The following SSX1 variants were observed in gnomAD, a reference collection of about 807,000 sequenced individuals.
SSX1 encodes protein SSX1.
In SSX1, 58 loss-of-function variants were observed where a neutral mutation model predicts 14.6. The ratio of observed to expected loss-of-function variants is 3.96; its 90% CI spans 3.21 to 4.93. The LOEUF (loss-of-function observed/expected upper bound fraction) is 4.93. SSX1 is among the 30% of genes most tolerant of loss of function. The pLI, the probability that SSX1 is intolerant of heterozygous loss-of-function variation, is 0.00. For synonymous variants in SSX1, 46 were observed against 52.1 expected (o/e 0.88, Z 0.50); for missense variants, 272 against 143.1 (o/e 1.90, Z -4.60).
At chrX:48,266,744 T>C (rs1451565123) in intron 7 of SSX1, 110 bp from the exon 8 acceptor site, 22 of 555,411 alleles carry the variant, frequency 4.0e-5, no homozygotes, top group Non-Finnish European at 6.3e-5. Flanking sequence ...GGTCCTGGGG[T>C]AGGGCAGAAT....
At chrX:48,260,042 G>T (rs1389887711) in intron 4 of SSX1, among the ~76,000 whole-genome samples, 2 of 99,238 alleles carry the variant, frequency 2.0e-5, no homozygotes, top group African/African-American at 7.3e-5. Flanking sequence ...CTTCCACAAT[G>T]GTTGAACTAG....
intron 4 of SSX1, among the ~76,000 whole-genome samples, chrX:48,260,233 A>G (rs6609681): frequency 0.37 from 38,554 of 104,815 alleles, 6,301 homozygotes; most frequent in Middle Eastern, 0.43. Context: ...TGTGTTTTTT[A>G]GCTGCATAAA....
chrX:48,261,693 C>T (rs782332553), intron 4 of SSX1, 73 bp from the exon 5 acceptor site: 10 of 1,098,160 alleles, frequency 9.1e-6, no homozygotes, highest in African/African-American at 3.6e-5. Flanking sequence ...AGAATGCCCT[C>T]ATGCAACGGA....
In SSX1 at chrX:48,257,787, G is replaced by T. The variant is rs781979663; in HGVS notation, c.111G>T (p.Trp37Cys). The change falls in exon 3 of 8, where the codon TGG (tryptophan) becomes TGT (cysteine). Residue 37 changes from tryptophan (W) to cysteine (C), a missense_variant. Coordinates refer to ENST00000376919, the MANE Select transcript of SSX1 (RefSeq NM_005635.4). Reference protein sequence around the residue: ...DIATYFSKKEWKKMKYSEKIS... With the variant: ...DIATYFSKKECKKMKYSEKIS... ...CCACATACTTCTCTAAGAAAGAGTGGAAAAAGATGAAATACTCGGAGAAAA... is the reference window on the plus strand; with the variant it reads ...CCACATACTTCTCTAAGAAAGAGTGTAAAAAGATGAAATACTCGGAGAAAA... The T allele has an allele frequency of 4.1e-6, 5 of 1,206,982 alleles. No individual in the cohort carries two copies. Among genetic ancestry groups the T allele is most frequent in the Non-Finnish European group, 4.5e-6 (4 of 892,817 alleles).
Position 48,263,885 on chromosome X carries a change from C to A in SSX1, c.434C>A (p.Ala145Glu). 2 of 1,211,226 alleles carry A rather than the reference C, an allele frequency of 1.7e-6. No homozygotes were observed. The highest frequency in any genetic ancestry group is 2.2e-6 in the Non-Finnish European group (2 of 895,288). Residue 145 changes from alanine (A) to glutamate (E), a missense_variant, in exon 6 of 8, where the codon GCA (alanine) becomes GAA (glutamate). By Grantham distance (107) the Ala-to-Glu change is moderately radical. Coordinates refer to ENST00000376919, the MANE Select transcript of SSX1 (RefSeq NM_005635.4). ...DGKQLHPPGK[A>E]NISEKINKRS... is the part of the protein sequence containing the mutation. ...AAACAACTGCACCCCCCAGGAAAAG[C>A]AAATATTTCTGAGAAGATTAATAAG...
chrX:48,266,089 T>TA lies in SSX1; in HGVS notation c.467-194dup, dbSNP rs782336411. 3.9e-3 allele frequency among the ~76,000 whole-genome samples: 435 copies of TA among 112,247 alleles called. 1 individual carries two copies. Among genetic ancestry groups the TA allele is most frequent in the Non-Finnish European group, 5.1e-3 (269 of 53,256 alleles). On this transcript the variant is annotated intron_variant, in intron 6 of 7. Transcript: ENST00000376919. ...CGTCACAACAGAAGGAGCCAGAAGC[T>TA]AAAACATTAATTGGTATTTGTCGTG...
rs782647307 is a variant in SSX1, at chrX:48,261,777, C to CA, written c.293dup (p.Met99AspfsTer24). On this transcript the variant is annotated frameshift_variant, in exon 5 of 8. Transcript: ENST00000376919. LOFTEE classifies it high-confidence loss of function. ...GTGTTCTCTTTCAGTTGAACATCCT[C>CA]AGATGACTTTCGGCAGGCTCCACAG... 39 of 1,209,710 alleles carry CA rather than the reference C, an allele frequency of 3.2e-5. No individual in the cohort carries two copies. Among genetic ancestry groups the CA allele is most frequent in the Middle Eastern group, 2.3e-4 (1 of 4,349 alleles).
rs141499452 is a variant in SSX1, at chrX:48,257,750, T to G, written c.74T>G (p.Phe25Cys). 220 of 1,196,397 alleles carry G rather than the reference T, an allele frequency of 1.8e-4. No homozygotes were observed. Among genetic ancestry groups the G allele is most frequent in the Non-Finnish European group, 2.4e-4 (210 of 886,150 alleles). ...ATTTTATTTTATTTTTTTTAGGCCT[T>G]TGATGATATTGCCACATACTTCTCT... ...AKASEKRSKA[F>C]DDIATYFSKK... The change falls in exon 3 of 8, where the codon TTT becomes TGT. Residue 25 changes from phenylalanine (F) to cysteine (C), a missense_variant. Physicochemically the swap from Phe to Cys is radical, Grantham distance 205 (BLOSUM62 -2). Coordinates refer to ENST00000376919, the MANE Select transcript of SSX1 (RefSeq NM_005635.4).
chrX:48,258,388 C>T, intron 3 of SSX1, 148 bp from the exon 4 acceptor site: 1 of 484,432 alleles, frequency 2.1e-6, no homozygotes, highest in Non-Finnish European at 3.7e-6. Flanking sequence ...ATATGGGGGT[C>T]TCTCTATGTT....
At chrX:48,264,278 C>T (rs2059615745) in intron 6 of SSX1, among the ~76,000 whole-genome samples, 1 of 112,123 alleles carries the variant, frequency 8.9e-6, no homozygotes, top group Admixed American at 9.5e-5. Flanking sequence ...AACCTGGGAT[C>T]ATATCTTACT....
rs1357346845 is a variant in SSX1, at chrX:48,264,708, T to C, written c.466+791T>C. Among the ~76,000 whole-genome samples, 3 of 112,494 alleles carry C rather than the reference T, an allele frequency of 2.7e-5. No individual in the cohort carries two copies. The Admixed American group carries it at 2.8e-4, about 11-fold the overall frequency. ...TTTCATGAAAGATTTCTCTGTAGTATGTGATGCTATTCGATAGCATTTAGC... is the reference window on the plus strand; with the variant it reads ...TTTCATGAAAGATTTCTCTGTAGTACGTGATGCTATTCGATAGCATTTAGC... On this transcript the variant is annotated intron_variant, in intron 6 of 7. Coordinates refer to ENST00000376919, the MANE Select transcript of SSX1 (RefSeq NM_005635.4).
In SSX1 at chrX:48,267,317, A is replaced by G. The variant is rs1287074102; in HGVS notation, c.*468A>G. ...CCAAGTACCAGTATAAGCATCTCCC[A>G]TCTGCTTTTCCCATTGCCATGCGTC... On this transcript the variant is annotated 3_prime_UTR_variant, in exon 8 of 8. Coordinates refer to ENST00000376919, the MANE Select transcript of SSX1 (RefSeq NM_005635.4). 5 of 192,874 alleles carry G rather than the reference A, an allele frequency of 2.6e-5. No homozygotes were observed. Among genetic ancestry groups the G allele is most frequent in the African/African-American group, 1.6e-4 (5 of 32,219 alleles). The allele number at this position is 192,874 out of a possible 1,213,427, so 15.9% of individuals were successfully genotyped here. A position where few individuals can be genotyped will look rare whatever the true frequency, so the allele number is the denominator to read the frequency against.
At chrX:48,257,390 A>G in intron 2 of SSX1, 80 bp downstream of exon 2, 1 of 1,182,102 alleles carries the variant, frequency 8.5e-7, no homozygotes, top group Non-Finnish European at 1.1e-6. Flanking sequence ...GGGAGGACAG[A>G]GGTACTGGGG....
chrX:48,263,683 A>T (rs2059612784), intron 5 of SSX1, 99 bp from the exon 6 acceptor site: 2 of 1,097,314 alleles, frequency 1.8e-6, no homozygotes, highest in Non-Finnish European at 2.5e-6. Flanking sequence ...GTTGTTGAGA[A>T]CATTCATTAA....
intron 5 of SSX1, among the ~76,000 whole-genome samples, chrX:48,262,815 A>C (rs782402316): frequency 1.3e-3 from 149 of 111,522 alleles, no homozygotes; most frequent in Non-Finnish European, 2.3e-3. Context: ...ATTATTCACT[A>C]TTTCATAAGT....
intron 4 of SSX1, among the ~76,000 whole-genome samples, chrX:48,260,150 G>C (rs1357945703): frequency 1.0e-5 from 1 of 99,600 alleles, no homozygotes; most frequent in East Asian, 3.1e-4. Flanking sequence ...CATTCTAACT[G>C]GTGTGAGATG....
rs1331069470 is a variant in SSX1 at position 48,260,022 on chromosome X, T to G, written c.280+1391T>G. On this transcript the variant is annotated intron_variant, in intron 4 of 7. Transcript: ENST00000376919. ...TCTAGTTCTAGATTCCTGAGGAATC[T>G]CCACACTGACTTCCACAATGGTTGA... Among the ~76,000 whole-genome samples the G allele has an allele frequency of 3.0e-3, 298 of 99,565 alleles. 1 individual carries two copies. Among genetic ancestry groups the G allele is most frequent in the African/African-American group, 0.01 (276 of 27,414 alleles). 86.5% of individuals were successfully genotyped at this position (99,565 alleles called of 115,157 possible).
At chrX:48,263,072 T>A (rs1470783662) in intron 5 of SSX1, among the ~76,000 whole-genome samples, 1 of 108,651 alleles carries the variant, frequency 9.2e-6, no homozygotes, top group East Asian at 2.9e-4. Context: ...AGGAGGAGAT[T>A]GCAGTGAGCC....
rs188890318 is a variant in SSX1, at chrX:48,257,783, A to T, written c.107A>T (p.Glu36Val). Residue 36 changes from glutamate to valine, a missense_variant, in exon 3 of 8, where the codon GAG becomes GTG. Coordinates refer to ENST00000376919, the MANE Select transcript of SSX1 (RefSeq NM_005635.4). ...ATTGCCACATACTTCTCTAAGAAAGAGTGGAAAAAGATGAAATACTCGGAG... is the reference window on the plus strand; with the variant it reads ...ATTGCCACATACTTCTCTAAGAAAGTGTGGAAAAAGATGAAATACTCGGAG... ...DDIATYFSKK[E>V]WKKMKYSEKI... 1.7e-6 allele frequency: 2 copies of T among 1,205,909 alleles called. No individual in the cohort carries two copies. Among genetic ancestry groups the T allele is most frequent in the Non-Finnish European group, 2.2e-6 (2 of 892,812 alleles).
Sources: allele counts gnomAD v4.1 joint callset (sites outside exome capture counted in the v4.1 genomes callset), GRCh38; gene constraint gnomAD v4.1.1; transcripts MANE v1.5; gene names NCBI Gene and HGNC (gene_info 2026-07-23, HGNC 2026-07-21).